Variants in ACMSD observed in about 807,000 individuals in gnomAD.
The protein encoded by ACMSD is aminocarboxymuconate semialdehyde decarboxylase.
Under a neutral mutation model 45.9 loss-of-function variants are expected in ACMSD, and 37 were observed. The ratio of observed to expected loss-of-function variants is 0.81; its 90% CI spans 0.62 to 1.06. ACMSD has a LOEUF of 1.06. Ranked by LOEUF, ACMSD falls within the 50% of genes least tolerant of loss-of-function variation. The pLI is 0.00. For missense variants in ACMSD, 434 were observed against 420.9 expected (o/e 1.03, Z -0.27); for synonymous variants, 138 against 148.8 (o/e 0.93, Z 0.53).
Position 134,871,042 on chromosome 2 carries a change from G to A in ACMSD, c.658G>A (p.Val220Met). The A allele has an allele frequency of 6.2e-7, 1 of 1,614,094 alleles. No homozygotes were observed. Among genetic ancestry groups the A allele is most frequent in the Non-Finnish European group, 8.5e-7 (1 of 1,179,996 alleles). ...GVFEKFPKLK[V>M]CFAHGGGAFP... ...ATTTGAGAAGTTTCCCAAACTGAAA[G>A]TGTGTTTCGCACATGGTGGTAAGAC... Residue 220 changes from valine (V) to methionine (M), a missense_variant, in exon 7 of 10, where the codon GTG becomes ATG. Transcript: ENST00000356140.
intron 2 of ACMSD, chr2:134,857,922 G>A (rs1687658033): frequency 6.6e-6 from 1 of 151,304 alleles, no homozygotes; most frequent in Non-Finnish European, 1.5e-5. Flanking sequence ...GTTTTTTAAA[G>A]TCATAAAAGG....
intron 8 of ACMSD, among the ~76,000 whole-genome samples, chr2:134,876,497 C>T (rs1688738383): frequency 6.6e-6 from 1 of 152,084 alleles, no homozygotes; most frequent in Non-Finnish European, 1.5e-5. Context: ...TAGGCCTACA[C>T]AGGGTAAGGA....
In ACMSD at chr2:134,842,200, G is replaced by C. The variant is rs138066190; in HGVS notation, c.58-3033G>C. Among the ~76,000 whole-genome samples the C allele has an allele frequency of 2.0e-3, 300 of 152,176 alleles. 3 individuals carry two copies. Among genetic ancestry groups the C allele is most frequent in the African/African-American group, 7.1e-3 (293 of 41,526 alleles). On this transcript the variant is annotated intron_variant, in intron 1 of 9. Transcript: ENST00000356140. ...ATGCTCAGACCAAAACCACTCCCAGGGTCATAAATTTTAGACTCCAGGCTC... is the reference window on the plus strand; with the variant it reads ...ATGCTCAGACCAAAACCACTCCCAGCGTCATAAATTTTAGACTCCAGGCTC...
chr2:134,863,240 G>A (rs1340162805), intron 4 of ACMSD, among the ~76,000 whole-genome samples, 155 bp from the exon 5 acceptor site: 1 of 152,116 alleles, frequency 6.6e-6, no homozygotes, highest in African/African-American at 2.4e-5. Flanking sequence ...GTTGTCTGTG[G>A]CCAGCACCTT....
chr2:134,882,182 T>A (rs1382484811), intron 8 of ACMSD, among the ~76,000 whole-genome samples: 2 of 152,154 alleles, frequency 1.3e-5, no homozygotes, highest in Non-Finnish European at 2.9e-5. Flanking sequence ...ACATTTAAAT[T>A]TGTTTGAATA....
chr2:134,900,583 G>T (rs1203781659), intron 9 of ACMSD, among the ~76,000 whole-genome samples: 1 of 152,154 alleles, frequency 6.6e-6, no homozygotes, highest in Non-Finnish European at 1.5e-5. Flanking sequence ...ATATGTTGAG[G>T]TTGCTAAGAT....
At chr2:134,885,502 C>T (rs1397973853) in intron 8 of ACMSD, among the ~76,000 whole-genome samples, 1 of 142,804 alleles carries the variant, frequency 7.0e-6, no homozygotes, top group Non-Finnish European at 1.5e-5. Flanking sequence ...CAGACTTCAT[C>T]TTTCATATAT....
At chr2:134,854,863 C>T (rs1425310934) in intron 2 of ACMSD, among the ~76,000 whole-genome samples, 2 of 152,200 alleles carry the variant, frequency 1.3e-5, no homozygotes, top group Non-Finnish European at 2.9e-5. Context: ...GTAACTTCAC[C>T]AGTCAGTGCT....
chr2:134,874,447 C>A (rs7603986), intron 8 of ACMSD, among the ~76,000 whole-genome samples: 1,677 of 152,252 alleles, frequency 0.011, 28 homozygotes, highest in African/African-American at 0.039. Flanking sequence ...TAAAAACAAT[C>A]CCCATATCAG....
At chr2:134,886,656 T>C (rs1211938159) in intron 8 of ACMSD, among the ~76,000 whole-genome samples, 1 of 152,032 alleles carries the variant, frequency 6.6e-6, no homozygotes, top group African/African-American at 2.4e-5. Context: ...TACATAATGG[T>C]GAAATATTAA....
Position 134,893,719 on chromosome 2 carries a change from G to A in ACMSD, c.850-4622G>A, listed in dbSNP as rs527442071. Among the ~76,000 whole-genome samples, 13 of 152,254 alleles carry A rather than the reference G, an allele frequency of 8.5e-5. No individual in the cohort carries two copies. In the East Asian group the frequency reaches 2.3e-3, roughly 27 times the overall value. ...AAAGAAGAAAAAATACTGTAACCCT[G>A]TAATGTGAGAACTCTATTTCAAGCA... On this transcript the variant is annotated intron_variant, in intron 8 of 9. Transcript: ENST00000356140.
At position 134,860,856 on chromosome 2, in the gene ACMSD, CAA is replaced by C. The variant is rs60233157; in HGVS notation, c.200-1090_200-1089del. Among the ~76,000 whole-genome samples the C allele has an allele frequency of 4.7e-3, 344 of 72,460 alleles. 1 individual carries two copies. The highest frequency in any genetic ancestry group is 0.017 in the African/African-American group (304 of 18,056). The allele number at this position is 72,460 out of a possible 152,430, so 47.5% of individuals were successfully genotyped here. On this transcript the variant is annotated intron_variant, in intron 3 of 9. Coordinates refer to ENST00000356140, the MANE Select transcript of ACMSD (RefSeq NM_138326.3). ...GAAACACAGTGAGACCCTGTCTCCA[CAA>C]AAAAAAAAAAAAAAAAAAAAAATTA...
chr2:134,849,391 A>G (rs996848527), intron 2 of ACMSD, among the ~76,000 whole-genome samples: 4 of 152,254 alleles, frequency 2.6e-5, no homozygotes, highest in African/African-American at 9.6e-5. Context: ...ATTTTTCATA[A>G]TTACAGTTGT....
At chr2:134,864,011 G>C (rs1172548831) in intron 5 of ACMSD, among the ~76,000 whole-genome samples, 2 of 152,082 alleles carry the variant, frequency 1.3e-5, no homozygotes, top group Non-Finnish European at 2.9e-5. Context: ...GCTCACACCT[G>C]TAATCCCAGC....
chr2:134,841,749 T>C (rs1391743477), intron 1 of ACMSD, among the ~76,000 whole-genome samples: 1 of 152,224 alleles, frequency 6.6e-6, no homozygotes, highest in East Asian at 1.9e-4. Flanking sequence ...GTCTGCCCAA[T>C]AGTAGGGCTT....
chr2:134,863,552 T>G lies in ACMSD; in HGVS notation c.407T>G (p.Leu136Arg), dbSNP rs771780744. 2 of 1,614,202 alleles carry G rather than the reference T, an allele frequency of 1.2e-6. No individual in the cohort carries two copies. The highest frequency in any genetic ancestry group is 2.2e-5 in the South Asian group (2 of 91,082). Residue 136 changes from leucine to arginine, a missense_variant, in exon 5 of 10, where the codon CTG (leucine) becomes CGG (arginine). By Grantham distance (102) the Leu-to-Arg change is moderately radical. Transcript: ENST00000356140. Reference sequence around the variant, plus strand: ...GAGATGGAGCGCTGTGTGAAAGAGCTGGGCTTTCCCGGGGTCCAAATTGGC... The same window carrying G: ...GAGATGGAGCGCTGTGTGAAAGAGCGGGGCTTTCCCGGGGTCCAAATTGGC... ...VKEMERCVKELGFPGVQIGTH... is the reference protein window; with the variant it reads ...VKEMERCVKERGFPGVQIGTH...
chr2:134,882,117 C>G (rs1024917122), intron 8 of ACMSD, among the ~76,000 whole-genome samples: 1 of 151,820 alleles, frequency 6.6e-6, no homozygotes, highest in African/African-American at 2.4e-5. Context: ...GACTTGGTCT[C>G]AAAACAAACA....
intron 8 of ACMSD, among the ~76,000 whole-genome samples, chr2:134,874,666 T>C (rs375614767): frequency 9.9e-4 from 150 of 152,028 alleles, no homozygotes; most frequent in African/African-American, 3.4e-3. Flanking sequence ...AGGATATACA[T>C]AGAAAATTAA....
At chr2:134,886,246 ATTTTTTTTT>A (rs756206850) in intron 8 of ACMSD, among the ~76,000 whole-genome samples, 2 of 115,476 alleles carry the variant, frequency 1.7e-5, no homozygotes, top group African/African-American at 3.6e-5. Context: ...TATTATTATT[ATTTTTTTTT>A]TTTTTTTTTT....
Sources: allele counts gnomAD v4.1 joint callset (sites outside exome capture counted in the v4.1 genomes callset), GRCh38; gene constraint gnomAD v4.1.1; transcripts MANE v1.5; gene names NCBI Gene and HGNC (gene_info 2026-07-23, HGNC 2026-07-21).